Variants in PVT1 observed in about 807,000 individuals in gnomAD.
The protein encoded by PVT1 is Pvt1 oncogene, also known as CXCR4/PVT1 fusion.
intron 2 of PVT1, among the ~76,000 whole-genome samples, chr8:127,810,150 C>G (rs981226776): frequency 7.9e-5 from 12 of 152,242 alleles, no homozygotes; most frequent in Admixed American, 2.6e-4. Flanking sequence ...GGGGCCACCC[C>G]CTGGCCTTTG....
intron 4 of PVT1, among the ~76,000 whole-genome samples, chr8:128,061,270 G>A (rs1420416047): frequency 6.6e-6 from 1 of 152,226 alleles, no homozygotes; most frequent in Admixed American, 6.5e-5. Flanking sequence ...GGTCTTTTGT[G>A]AGGAACTTCT....
At chr8:127,815,340 A>AT (rs1814648881) in intron 2 of PVT1, among the ~76,000 whole-genome samples, 1 of 152,142 alleles carries the variant, frequency 6.6e-6, no homozygotes, top group Non-Finnish European at 1.5e-5. Flanking sequence ...AGACTGAATG[A>AT]GTTTTTAAAT....
At chr8:127,981,986 A>T (rs1317177823) in intron 3 of PVT1, among the ~76,000 whole-genome samples, 1 of 152,018 alleles carries the variant, frequency 6.6e-6, no homozygotes, top group Non-Finnish European at 1.5e-5. Flanking sequence ...TCCCTTCAAG[A>T]CTATAGACTT....
chr8:128,079,419 A>G (rs1482823292), intron 5 of PVT1, among the ~76,000 whole-genome samples: 1 of 152,220 alleles, frequency 6.6e-6, no homozygotes, highest in Non-Finnish European at 1.5e-5. Flanking sequence ...TTGAATTAAT[A>G]TGGTACATTT....
intron 3 of PVT1, among the ~76,000 whole-genome samples, chr8:127,980,555 G>A (rs575910385): frequency 6.6e-6 from 1 of 152,008 alleles, no homozygotes; most frequent in Non-Finnish European, 1.5e-5. Context: ...CAGGGAGGGG[G>A]CTCTCTGTTG....
intron 6 of PVT1, among the ~76,000 whole-genome samples, chr8:128,100,613 G>C (rs567846022): frequency 5.8e-4 from 88 of 152,268 alleles, no homozygotes; most frequent in African/African-American, 2.0e-3. Flanking sequence ...AACTTCAGTT[G>C]GTCATCCCCT....
At chr8:127,821,800 T>A (rs2129681538) in intron 2 of PVT1, among the ~76,000 whole-genome samples, 2 of 150,760 alleles carry the variant, frequency 1.3e-5, no homozygotes, top group South Asian at 4.2e-4. Flanking sequence ...CGACAGAGGG[T>A]CTCTGTCTCA....
chr8:128,005,833 G>A (rs1376298962), intron 4 of PVT1, among the ~76,000 whole-genome samples: 2 of 152,160 alleles, frequency 1.3e-5, no homozygotes, highest in Non-Finnish European at 2.9e-5. Context: ...GCCAGGTGTG[G>A]TGGCTCACAC....
intron 3 of PVT1, chr8:127,960,757 A>G: frequency 2.1e-6 from 1 of 468,344 alleles, no homozygotes; most frequent in East Asian, 5.9e-5. Context: ...TTGTGGGGAG[A>G]GAGTATTATT....
At chr8:127,809,330 T>C (rs939360374) in intron 2 of PVT1, among the ~76,000 whole-genome samples, 3 of 152,180 alleles carry the variant, frequency 2.0e-5, no homozygotes, top group Admixed American at 1.3e-4. Flanking sequence ...TAGCTGGGAC[T>C]ACAGGTGCAT....
At chr8:127,947,747 A>G (rs768510759) in intron 3 of PVT1, 42 of 456,436 alleles carry the variant, frequency 9.2e-5, no homozygotes, top group Non-Finnish European at 1.7e-4. Context: ...AGAAAAGGCG[A>G]TGATCACAGT....
At chr8:127,942,681 T>G (rs1479800142) in intron 3 of PVT1, among the ~76,000 whole-genome samples, 2 of 152,180 alleles carry the variant, frequency 1.3e-5, no homozygotes, top group African/African-American at 4.8e-5. Flanking sequence ...CTGGGTTCAA[T>G]TCTGACTTGC....
chr8:127,892,972 TG>T, intron 3 of PVT1, among the ~76,000 whole-genome samples: 1 of 152,314 alleles, frequency 6.6e-6, no homozygotes, highest in East Asian at 1.9e-4. Flanking sequence ...TCCATAGCTC[TG>T]TTTTTTCCCC....
chr8:127,856,852 C>T (rs900593608), intron 2 of PVT1, among the ~76,000 whole-genome samples: 3 of 152,220 alleles, frequency 2.0e-5, no homozygotes, highest in African/African-American at 4.8e-5. Context: ...CTCTCCTAAC[C>T]GCTATGCCTG....
At chr8:127,969,542 G>T (rs1346788677) in intron 3 of PVT1, among the ~76,000 whole-genome samples, 1 of 152,154 alleles carries the variant, frequency 6.6e-6, no homozygotes, top group African/African-American at 2.4e-5. Flanking sequence ...AGATTGGTAT[G>T]CAGCCATTCA....
chr8:127,880,002 G>A (rs1586419271), intron 2 of PVT1, among the ~76,000 whole-genome samples: 1 of 152,200 alleles, frequency 6.6e-6, no homozygotes, highest in Non-Finnish European at 1.5e-5. Flanking sequence ...TTATTTCCAA[G>A]GTTTCTTGTG....
At chr8:127,804,927 C>CTTT (rs754070998) in intron 2 of PVT1, among the ~76,000 whole-genome samples, 13 of 114,208 alleles carry the variant, frequency 1.1e-4, no homozygotes, top group African/African-American at 1.6e-4. Context: ...TTGTCCATGT[C>CTTT]TTTTTTTTTT....
In PVT1 at chr8:127,988,106, A is replaced by G. The variant is rs144339620; in HGVS notation, n.783-1056A>G. ...ACAACCAGAGTGCCTCAGAGAAGACAATTATGGCCAAGTTGTTCCTTGGGG... is the reference window on the plus strand; with the variant it reads ...ACAACCAGAGTGCCTCAGAGAAGACGATTATGGCCAAGTTGTTCCTTGGGG... On this transcript the variant is annotated intron_variant and non_coding_transcript_variant, in intron 3 of 10. Transcript: ENST00000651587. 2.3e-3 allele frequency among the ~76,000 whole-genome samples: 352 copies of G among 152,308 alleles called. 2 individuals are homozygous for G. In the South Asian group the frequency reaches 0.026, roughly 11 times the overall value.
intron 2 of PVT1, among the ~76,000 whole-genome samples, chr8:127,838,603 G>T (rs1243299243): frequency 6.6e-6 from 1 of 152,168 alleles, no homozygotes; most frequent in African/African-American, 2.4e-5. Context: ...TACTCAGGAA[G>T]CTGAAACAGG....
Sources: allele counts gnomAD v4.1 joint callset (sites outside exome capture counted in the v4.1 genomes callset), GRCh38; gene constraint gnomAD v4.1.1; transcripts MANE v1.5; gene names NCBI Gene and HGNC (gene_info 2026-07-23, HGNC 2026-07-21).